BOC: variants seen among roughly 807,000 people sequenced by gnomAD.
BOC encodes BOC cell adhesion associated, oncogene regulated, also known as brother of CDO.
Under a neutral mutation model 112.0 loss-of-function variants are expected in BOC, and 76 were observed. That is an observed-to-expected ratio of 0.68 (90% CI 0.56 to 0.82). BOC has a LOEUF of 0.82. Ranked by LOEUF, BOC falls within the 40% of genes least tolerant of loss-of-function variation. The probability of loss-of-function intolerance (pLI) is 0.00; values close to 1 mark genes in which losing one functional copy is unlikely to be tolerated. For synonymous variants in BOC, 580 were observed against 599.8 expected (o/e 0.97, Z 0.48); for missense variants, 1,309 against 1,511.7 (o/e 0.87, Z 2.22).
chr3:113,239,056 A>G (rs1943944468), intron 2 of BOC, among the ~76,000 whole-genome samples: 1 of 152,270 alleles, frequency 6.6e-6, no homozygotes, highest in Non-Finnish European at 1.5e-5. Context: ...GCTAGTCTAA[A>G]TTGAATGTGC....
intron 2 of BOC, among the ~76,000 whole-genome samples, chr3:113,222,936 G>C (rs1184806837): frequency 1.3e-5 from 2 of 152,212 alleles, no homozygotes; most frequent in Non-Finnish European, 2.9e-5. Flanking sequence ...CTGGCCCTGT[G>C]CCAGGCACAC....
At chr3:113,254,841 G>A (rs895221421) in intron 4 of BOC, among the ~76,000 whole-genome samples, 2 of 152,208 alleles carry the variant, frequency 1.3e-5, no homozygotes, top group Admixed American at 1.3e-4. Context: ...GGGTGGAGGG[G>A]AGGCCTCTAG....
rs116624663 is a variant in BOC, at chr3:113,214,749, A to G, written c.-169-1438A>G. ...TAATATGTTCCATTTAGAAAAATCTATTTACTCTAACATATGTAACTTCTT... is the reference window on the plus strand; with the variant it reads ...TAATATGTTCCATTTAGAAAAATCTGTTTACTCTAACATATGTAACTTCTT... On this transcript the variant is annotated intron_variant, in intron 1 of 19. Transcript: ENST00000682979. Among the ~76,000 whole-genome samples, 1,283 of 152,162 alleles carry G rather than the reference A, an allele frequency of 8.4e-3. 19 individuals are homozygous for G. The highest frequency in any genetic ancestry group is 0.025 in the African/African-American group (1,019 of 41,396).
chr3:113,239,244 T>C (rs536220521), intron 2 of BOC, among the ~76,000 whole-genome samples: 12 of 152,126 alleles, frequency 7.9e-5, no homozygotes, highest in Admixed American at 2.6e-4. Context: ...TAAAATTACA[T>C]AGGGGGTGGA....
chr3:113,271,145 C>T, intron 6 of BOC: 3 of 744,058 alleles, frequency 4.0e-6, no homozygotes, highest in Non-Finnish European at 7.1e-6. Flanking sequence ...CATCTCACAG[C>T]ACACAGCACC....
Position 113,278,344 on chromosome 3 carries a change from G to A in BOC, c.1705+87G>A. The A allele has an allele frequency of 1.4e-6, 2 of 1,426,232 alleles. No homozygotes were observed. Among genetic ancestry groups the A allele is most frequent in the South Asian group, 1.3e-5 (1 of 78,400 alleles). 88.3% of individuals were successfully genotyped at this position (1,426,232 alleles called of 1,614,324 possible). On this transcript the variant is annotated intron_variant, in intron 10 of 19. Transcript: ENST00000682979. This position sits in a 1 kb window ranked among gnomAD's most constrained non-coding sequence, Gnocchi z 4.2. ...CCAGGTGAGAATTCCTGCTCACCTT[G>A]CCCCAGCTGTTCACCTTGAACTTCA...
At chr3:113,277,144 G>A (rs1948747932) in intron 9 of BOC, among the ~76,000 whole-genome samples, 1 of 152,218 alleles carries the variant, frequency 6.6e-6, no homozygotes, top group African/African-American at 2.4e-5. Flanking sequence ...GAAGGCAGGA[G>A]CGGAAACAAA....
rs1949746848 is a variant in BOC at position 113,286,890 on chromosome 3, T to C, written c.*28T>C. Reference sequence around the variant, plus strand: ...AGAAGCTGATATCCCAGAAAGACTATATATTGTTTTTTTTTTAAAAAAAAA... The same window carrying C: ...AGAAGCTGATATCCCAGAAAGACTACATATTGTTTTTTTTTTAAAAAAAAA... On this transcript the variant is annotated 3_prime_UTR_variant, in exon 20 of 20. Coordinates refer to ENST00000682979, the MANE Select transcript of BOC (RefSeq NM_001378074.1). 1.3e-6 allele frequency: 2 copies of C among 1,507,728 alleles called. No individual in the cohort carries two copies. The highest frequency in any genetic ancestry group is 1.3e-5 in the South Asian group (1 of 76,862). The allele number at this position is 1,507,728 out of a possible 1,614,324, so 93.4% of individuals were successfully genotyped here.
chr3:113,235,918 T>G (rs555279485), intron 2 of BOC, among the ~76,000 whole-genome samples: 10 of 152,182 alleles, frequency 6.6e-5, no homozygotes, highest in Non-Finnish European at 1.5e-4. Context: ...GTGTATTATG[T>G]CTGGCAAGGA....
chr3:113,258,205 A>T (rs1421880608), intron 4 of BOC, among the ~76,000 whole-genome samples: 10 of 151,938 alleles, frequency 6.6e-5, no homozygotes, highest in Admixed American at 6.6e-4. Flanking sequence ...ACCTTTAAAA[A>T]CCAAATTCAG....
At chr3:113,218,823 C>G (rs888048083) in intron 2 of BOC, among the ~76,000 whole-genome samples, 3 of 152,204 alleles carry the variant, frequency 2.0e-5, no homozygotes, top group Non-Finnish European at 4.4e-5. Flanking sequence ...TTAGGCCTGG[C>G]TTTGCCTGTC....
At chr3:113,233,160 T>G (rs1307808418) in intron 2 of BOC, among the ~76,000 whole-genome samples, 15 of 148,442 alleles carry the variant, frequency 1.0e-4, no homozygotes, top group African/African-American at 3.5e-4. Flanking sequence ...TGTGTGTGTG[T>G]GTGTGTGTGT....
chr3:113,274,741 C>A lies in BOC; in HGVS notation c.1542+59C>A. ...GCACAGCCTTTCCAGCAAGGCTGAGCAGAGTCACTGTCTCTTGGCCATCTC... is the reference window on the plus strand; with the variant it reads ...GCACAGCCTTTCCAGCAAGGCTGAGAAGAGTCACTGTCTCTTGGCCATCTC... On this transcript the variant is annotated intron_variant, in intron 9 of 19. Transcript: ENST00000682979. This position sits in a 1 kb window ranked among gnomAD's most constrained non-coding sequence, Gnocchi z 4.8. 1 of 1,503,938 alleles carries A rather than the reference C, an allele frequency of 6.6e-7. No homozygotes were observed. Among genetic ancestry groups the A allele is most frequent in the Non-Finnish European group, 9.0e-7 (1 of 1,113,816 alleles). 93.2% of individuals were successfully genotyped at this position (1,503,938 alleles called of 1,614,324 possible).
At chr3:113,282,640 T>C (rs1200458323) in intron 15 of BOC, among the ~76,000 whole-genome samples, 1 of 151,984 alleles carries the variant, frequency 6.6e-6, no homozygotes, top group East Asian at 1.9e-4. Flanking sequence ...TTTGCGGCTC[T>C]TTAGGATATA....
chr3:113,247,685 GAAGGTTAAAGGAAATACATTGTGT>G (rs1945104246), intron 2 of BOC, among the ~76,000 whole-genome samples: 1 of 152,122 alleles, frequency 6.6e-6, no homozygotes, highest in Non-Finnish European at 1.5e-5. Context: ...GGGTTGATGA[GAAGGTTAAAGGAAATACATTGTGT>G]AAGAGCTTAG....
intron 2 of BOC, among the ~76,000 whole-genome samples, chr3:113,232,327 T>A (rs1942744635): frequency 1.3e-5 from 2 of 152,240 alleles, no homozygotes; most frequent in Admixed American, 1.3e-4. Context: ...ACAGACCAAC[T>A]GCAGCATGCT....
chr3:113,280,094 A>T, intron 13 of BOC, 89 bp downstream of exon 13: 1 of 1,333,042 alleles, frequency 7.5e-7, no homozygotes, highest in Non-Finnish European at 1.0e-6. Flanking sequence ...TCCCCCGAAC[A>T]GGGCACCTGA....
rs777764638 is a variant in BOC, at chr3:113,283,586, C to A, written c.2610C>A (p.Ile870=). 13 of 1,613,784 alleles carry A rather than the reference C, an allele frequency of 8.1e-6. No homozygotes were observed. In the South Asian group the frequency reaches 1.4e-4, roughly 18 times the overall value. ...TCCTGGGCTCCATCGTTCTCATCAT[C>A]GTCACCTTCATCCCCTTCTGCTTGT... ...GVVLGSIVLI[I]VTFIPFCLWR... is the part of the protein sequence containing the mutation. The change falls in exon 16 of 20, where the codon ATC becomes ATA. Residue 870 remains isoleucine (I), a synonymous_variant. Transcript: ENST00000682979.
chr3:113,284,620 G>T (rs992760833), intron 17 of BOC, 53 bp downstream of exon 17: 73 of 1,570,990 alleles, frequency 4.6e-5, no homozygotes, highest in Non-Finnish European at 6.2e-5. Flanking sequence ...GGAGGGAGTG[G>T]CTGGGCTGCC....
Sources: allele counts gnomAD v4.1 joint callset (sites outside exome capture counted in the v4.1 genomes callset), GRCh38; gene constraint gnomAD v4.1.1; non-coding constraint Gnocchi (gnomAD v3.1); transcripts MANE v1.5; gene names NCBI Gene and HGNC (gene_info 2026-07-23, HGNC 2026-07-21).